FGR: variants seen among roughly 807,000 people sequenced by gnomAD.
FGR encodes tyrosine-protein kinase Fgr.
A neutral mutation model predicts 63.2 loss-of-function variants in FGR; 26 were observed. That is an observed-to-expected ratio of 0.41 (90% CI 0.30 to 0.57). The LOEUF (loss-of-function observed/expected upper bound fraction) is 0.57. Ranked by LOEUF, FGR falls within the 20% of genes least tolerant of loss-of-function variation. FGR has a pLI of 0.27. For missense variants in FGR, 511 were observed against 690.8 expected, an observed-to-expected ratio of 0.74 and a Z score of 2.92; for synonymous variants, 286 against 277.7, an observed-to-expected ratio of 1.03 and a Z score of -0.30.
intron 1 of FGR, among the ~76,000 whole-genome samples, chr1:27,628,680 C>T (rs1044378413): frequency 1.3e-5 from 2 of 152,148 alleles, no homozygotes; most frequent in Admixed American, 1.3e-4. Context: ...CAATAATACC[C>T]ACGTATATAT....
chr1:27,628,175 AAAAAAAAAAAC>A (rs2090051810), intron 1 of FGR, among the ~76,000 whole-genome samples: 1 of 150,930 alleles, frequency 6.6e-6, no homozygotes, highest in African/African-American at 2.5e-5. Flanking sequence ...CTGTCTCAAA[AAAAAAAAAAAC>A]AAAAAAAAAC....
In FGR at chr1:27,627,795, G is replaced by A. The variant is rs984522389; in HGVS notation, c.-76-2644C>T. Among the ~76,000 whole-genome samples, 9 of 152,068 alleles carry A rather than the reference G, an allele frequency of 5.9e-5. No individual in the cohort carries two copies. The South Asian group carries it at 1.5e-3, about 25-fold the overall frequency. ...GGCTAATTTCTGTATTTTTAGTAGC[G>A]ATGGGTTTTCACTATGTTGGCCAGG... On this transcript the variant is annotated intron_variant, in intron 1 of 12. Coordinates refer to ENST00000374005, the MANE Select transcript of FGR (RefSeq NM_005248.3).
chr1:27,613,605 C>T (rs567482991), intron 11 of FGR, among the ~76,000 whole-genome samples: 9 of 148,064 alleles, frequency 6.1e-5, no homozygotes, highest in East Asian at 2.1e-4. Flanking sequence ...AGGGAGGCTG[C>T]GGCAGGAGAA....
At chr1:27,620,991 C>CAAAAAAAAAAAAAA (rs59265327) in intron 5 of FGR, among the ~76,000 whole-genome samples, 20 of 22,036 alleles carry the variant, frequency 9.1e-4, no homozygotes, top group African/African-American at 1.4e-3. Context: ...GACCCTGTCT[C>CAAAAAAAAAAAAAA]AAAAAAAAAA....
chr1:27,617,032 G>A lies in FGR; in HGVS notation c.533-26C>T. ...CTGTGGAGAGGATCACTTTTGATCT[G>A]CTGTTCTCCTCTGCCCTAGTCTGGG... On this transcript the variant is annotated intron_variant, in intron 6 of 12. Transcript: ENST00000374005. This position sits in a 1 kb window ranked among gnomAD's most constrained non-coding sequence, Gnocchi z 4.5. 4 of 1,613,642 alleles carry A rather than the reference G, an allele frequency of 2.5e-6. No homozygotes were observed. The highest frequency in any genetic ancestry group is 3.4e-6 in the Non-Finnish European group (4 of 1,179,858).
intron 1 of FGR, among the ~76,000 whole-genome samples, chr1:27,625,575 T>A (rs2090007717): frequency 6.6e-6 from 1 of 152,140 alleles, no homozygotes; most frequent in African/African-American, 2.4e-5. Flanking sequence ...AACATTATAA[T>A]CATCTCTCTA....
intron 1 of FGR, among the ~76,000 whole-genome samples, chr1:27,630,154 G>A (rs1331843135): frequency 6.6e-6 from 1 of 152,190 alleles, no homozygotes; most frequent in Non-Finnish European, 1.5e-5. Context: ...CTGGGTTCAA[G>A]TGATTCTTCT....
At chr1:27,618,656 A>T (rs2089860909) in intron 5 of FGR, among the ~76,000 whole-genome samples, 1 of 151,902 alleles carries the variant, frequency 6.6e-6, no homozygotes, top group South Asian at 2.1e-4. Flanking sequence ...GCCTCACCGC[A>T]CTTGACCTCT....
rs878648 is a variant in FGR at position 27,612,285 on chromosome 1, G to A, written c.*629C>T. On this transcript the variant is annotated 3_prime_UTR_variant, in exon 13 of 13. Transcript: ENST00000374005. ...CCCCGCTCCCAAAGGAAGGTTCAAG[G>A]GTATTTCATGGTTTGAGGATTCATA... 1 of 152,288 alleles carries A rather than the reference G, an allele frequency of 6.6e-6. No individual in the cohort carries two copies. The highest frequency in any genetic ancestry group is 6.5e-5 in the Admixed American group (1 of 15,270). The allele number at this position is 152,288 out of a possible 1,614,324, so 9.4% of individuals were successfully genotyped here.
At chr1:27,630,697 AG>A (rs2148532285) in intron 1 of FGR, among the ~76,000 whole-genome samples, 1 of 152,270 alleles carries the variant, frequency 6.6e-6, no homozygotes, top group South Asian at 2.1e-4. Context: ...AATACCAGAA[AG>A]GGGGCAGCTC....
Position 27,621,732 on chromosome 1 carries a change from C to T in FGR, c.330-75G>A. On this transcript the variant is annotated intron_variant, in intron 4 of 12. Transcript: ENST00000374005. Reference sequence around the variant, plus strand: ...CACCCTGAGGCCAGGTGGAGCCACACAGGTCTGCAGAGATGAATCCTGCCA... The same window carrying T: ...CACCCTGAGGCCAGGTGGAGCCACATAGGTCTGCAGAGATGAATCCTGCCA... 1.3e-5 allele frequency: 13 copies of T among 1,039,244 alleles called. No homozygotes were observed. The South Asian group carries it at 1.6e-4, about 13-fold the overall frequency. The allele number at this position is 1,039,244 out of a possible 1,614,324, so 64.4% of individuals were successfully genotyped here. A position where few individuals can be genotyped will look rare whatever the true frequency, so the allele number is the denominator to read the frequency against.
chr1:27,635,185 G>A lies in FGR; in HGVS notation c.-197C>T, dbSNP rs1017393782. 4.0e-4 allele frequency: 61 copies of A among 152,302 alleles called. No individual in the cohort carries two copies. The highest frequency in any genetic ancestry group is 1.4e-3 in the African/African-American group (59 of 41,448). 9.4% of individuals were successfully genotyped at this position (152,302 alleles called of 1,614,324 possible). On this transcript the variant is annotated 5_prime_UTR_variant, in exon 1 of 13. Transcript: ENST00000374005. Reference sequence around the variant, plus strand: ...TCTGACCGCCGCCCCTGCTGGGCAGGGAGGAGGAAGCCGCCTCGGACTTCT... The same window carrying A: ...TCTGACCGCCGCCCCTGCTGGGCAGAGAGGAGGAAGCCGCCTCGGACTTCT...
In FGR at chr1:27,621,596, T is replaced by G. The variant is rs1375419336; in HGVS notation, c.391A>C (p.Asn131His). ...ATTGAGTCAACAGGGGCCACGTAGT[T>G]GCTGGGAATGCAGCCAGTTTTTCCG... is the stretch of plus-strand genomic sequence containing the variant. Reference protein sequence around the residue: ...SSGKTGCIPSNYVAPVDSIQA... With the variant: ...SSGKTGCIPSHYVAPVDSIQA... The change falls in exon 5 of 13, where the codon AAC becomes CAC. Residue 131 changes from asparagine to histidine, a missense_variant. Transcript: ENST00000374005. The G allele has an allele frequency of 6.2e-7, 1 of 1,613,948 alleles. No homozygotes were observed. The highest frequency in any genetic ancestry group is 8.5e-7 in the Non-Finnish European group (1 of 1,179,950).
chr1:27,620,991 C>CAAAAAAAAAAAAAAAAAA (rs59265327), intron 5 of FGR, among the ~76,000 whole-genome samples: 16 of 22,024 alleles, frequency 7.3e-4, no homozygotes, highest in East Asian at 1.5e-3. Flanking sequence ...GACCCTGTCT[C>CAAAAAAAAAAAAAAAAAA]AAAAAAAAAA....
In FGR at chr1:27,617,649, T is replaced by A. The variant is rs182959595; in HGVS notation, c.429-353A>T. Among the ~76,000 whole-genome samples the A allele has an allele frequency of 2.2e-4, 34 of 152,308 alleles. No homozygotes were observed. Among genetic ancestry groups the A allele is most frequent in the Admixed American group, 2.0e-3 (30 of 15,306 alleles). On this transcript the variant is annotated intron_variant, in intron 5 of 12. Coordinates refer to ENST00000374005, the MANE Select transcript of FGR (RefSeq NM_005248.3). The surrounding 1 kb of genome is among the most constrained non-coding windows in gnomAD (Gnocchi z 4.5). ...TGAGGCTCAGAGAGGGAAAGTGACC[T>A]GTCCACAGGCTGGCTAATGAGCTCC...
In FGR at chr1:27,617,097, T is replaced by A. The variant is rs992478880; in HGVS notation, c.533-91A>T. On this transcript the variant is annotated intron_variant, in intron 6 of 12. Transcript: ENST00000374005. The surrounding 1 kb of genome is among the most constrained non-coding windows in gnomAD (Gnocchi z 4.5). ...CGACAGCAGCATCCCTAGGACCTGGTCCCAGTCTTGGCCTTAACCCAAGCA... is the reference window on the plus strand; with the variant it reads ...CGACAGCAGCATCCCTAGGACCTGGACCCAGTCTTGGCCTTAACCCAAGCA... 7 of 1,600,658 alleles carry A rather than the reference T, an allele frequency of 4.4e-6. No individual in the cohort carries two copies. Among genetic ancestry groups the A allele is most frequent in the Non-Finnish European group, 6.0e-6 (7 of 1,169,970 alleles).
rs866586310 is a variant in FGR, at chr1:27,613,394, T to C, written c.1250-44A>G. Reference sequence around the variant, plus strand: ...CAGGGAAAGTTAGTGAGGGGGTCCCTGGAAACAGCTGGATTAAGAGAATGG... The same window carrying C: ...CAGGGAAAGTTAGTGAGGGGGTCCCCGGAAACAGCTGGATTAAGAGAATGG... On this transcript the variant is annotated intron_variant, in intron 11 of 12. Coordinates refer to ENST00000374005, the MANE Select transcript of FGR (RefSeq NM_005248.3). 7.5e-6 allele frequency: 12 copies of C among 1,602,298 alleles called. 1 individual carries two copies. In the Middle Eastern group the frequency reaches 1.3e-3, roughly 178 times the overall value.
At chr1:27,618,665 C>T (rs1256836830) in intron 5 of FGR, among the ~76,000 whole-genome samples, 1 of 152,176 alleles carries the variant, frequency 6.6e-6, no homozygotes, top group African/African-American at 2.4e-5. Flanking sequence ...CACTTGACCT[C>T]TGAACCTCGC....
intron 1 of FGR, 74 bp downstream of exon 1, chr1:27,634,991 A>C (rs1398565467): frequency 1.3e-5 from 2 of 152,214 alleles, no homozygotes; most frequent in African/African-American, 4.8e-5. Flanking sequence ...GTGTACCCCC[A>C]GTCCTCTCTC....
Sources: allele counts gnomAD v4.1 joint callset (sites outside exome capture counted in the v4.1 genomes callset), GRCh38; gene constraint gnomAD v4.1.1; non-coding constraint Gnocchi (gnomAD v3.1); transcripts MANE v1.5; gene names NCBI Gene and HGNC (gene_info 2026-07-23, HGNC 2026-07-21).